AUTS2: variants seen among roughly 807,000 people sequenced by gnomAD.
The protein encoded by AUTS2 is activator of transcription and developmental regulator AUTS2, also known as autism susceptibility gene 2 protein.
AUTS2 carries 17 observed loss-of-function variants against 112.4 expected under a neutral mutation model. The ratio of observed to expected loss-of-function variants is 0.15; its 90% confidence interval spans 0.10 to 0.23. The LOEUF is 0.23. Ranked by LOEUF, AUTS2 falls within the 10% of genes least tolerant of loss-of-function variation. AUTS2 has a pLI of 1.00. For missense variants in AUTS2, 1,510 were observed against 1,701.6 expected (o/e 0.89, Z 1.98); for synonymous variants, 751 against 702.7 (o/e 1.07, Z -1.09).
chr7:70,457,028 A>C (rs532267175), intron 5 of AUTS2, among the ~76,000 whole-genome samples: 1 of 152,244 alleles, frequency 6.6e-6, no homozygotes, highest in African/African-American at 2.4e-5. Context: ...CTGTTTATTA[A>C]TGTGTTCTAT....
intron 6 of AUTS2, among the ~76,000 whole-genome samples, chr7:70,734,094 G>A (rs754886005): frequency 1.4e-4 from 22 of 152,150 alleles, no homozygotes; most frequent in African/African-American, 5.1e-4. Flanking sequence ...CAAGCCTCCC[G>A]ACAGCCCGCT....
intron 2 of AUTS2, among the ~76,000 whole-genome samples, chr7:69,912,511 G>C (rs781007195): frequency 4.5e-4 from 68 of 152,370 alleles, no homozygotes; most frequent in Middle Eastern, 6.8e-3. Context: ...CTGGGACCAT[G>C]TAGGGAGTAT....
chr7:70,530,101 A>G (rs1800016928), intron 5 of AUTS2, among the ~76,000 whole-genome samples: 1 of 152,186 alleles, frequency 6.6e-6, no homozygotes, highest in African/African-American at 2.4e-5. Context: ...GATTCTAGAC[A>G]ACATCTGTAG....
chr7:70,768,156 T>C (rs1310061856), intron 10 of AUTS2, 88 bp downstream of exon 10: 1 of 1,255,548 alleles, frequency 8.0e-7, no homozygotes, highest in Non-Finnish European at 1.1e-6. Flanking sequence ...ACTAGCAGCC[T>C]TCCTTAATCA....
chr7:70,419,936 G>A (rs1795146690), intron 4 of AUTS2, among the ~76,000 whole-genome samples: 2 of 152,072 alleles, frequency 1.3e-5, no homozygotes, highest in South Asian at 4.2e-4. Context: ...CTTTGCTTTT[G>A]AAAGGAAGGA....
At chr7:70,460,779 T>A (rs920715701) in intron 5 of AUTS2, among the ~76,000 whole-genome samples, 2 of 152,146 alleles carry the variant, frequency 1.3e-5, no homozygotes, top group African/African-American at 4.8e-5. Context: ...GTCTGTAAGG[T>A]ATCACTGGAA....
chr7:69,772,127 T>A (rs191028946), intron 1 of AUTS2, among the ~76,000 whole-genome samples: 1 of 152,226 alleles, frequency 6.6e-6, no homozygotes, highest in African/African-American at 2.4e-5. Context: ...GAAATGGGGA[T>A]CCTTATGTCT....
At chr7:70,004,277 ATG>A (rs1799415860) in intron 2 of AUTS2, among the ~76,000 whole-genome samples, 1 of 127,876 alleles carries the variant, frequency 7.8e-6, no homozygotes, top group Non-Finnish European at 1.7e-5. Flanking sequence ...ATATATATGA[ATG>A]TGTTATATAT....
chr7:70,070,604 G>A (rs961258176), intron 2 of AUTS2, among the ~76,000 whole-genome samples: 8 of 152,044 alleles, frequency 5.3e-5, no homozygotes, highest in African/African-American at 7.2e-5. Context: ...AGTGGCTTAC[G>A]CCTATAATCC....
At chr7:70,505,061 T>C (rs1049198081) in intron 5 of AUTS2, among the ~76,000 whole-genome samples, 7 of 152,220 alleles carry the variant, frequency 4.6e-5, no homozygotes, top group African/African-American at 1.7e-4. Context: ...AGACTCTAAC[T>C]CAGTGAATCT....
chr7:69,625,594 C>T (rs983413285), intron 1 of AUTS2, among the ~76,000 whole-genome samples: 1 of 152,146 alleles, frequency 6.6e-6, no homozygotes, highest in Non-Finnish European at 1.5e-5. Flanking sequence ...CACGGTGGCT[C>T]ATACCTGTAA....
At chr7:70,424,820 C>G (rs995217522) in intron 4 of AUTS2, among the ~76,000 whole-genome samples, 1 of 152,068 alleles carries the variant, frequency 6.6e-6, no homozygotes, top group Non-Finnish European at 1.5e-5. Flanking sequence ...CTTCTGGGCT[C>G]AAGAGATCAT....
intron 4 of AUTS2, among the ~76,000 whole-genome samples, chr7:70,277,999 T>A (rs1788018483): frequency 6.6e-6 from 1 of 151,044 alleles, no homozygotes. Context: ...AGTACTGTAT[T>A]AGGAATGCTT....
chr7:70,157,735 A>G (rs1463152354), intron 4 of AUTS2, among the ~76,000 whole-genome samples: 20 of 152,216 alleles, frequency 1.3e-4, no homozygotes, highest in Admixed American at 1.3e-3. Flanking sequence ...TATAGCAAAC[A>G]TGATGTAGAG....
At chr7:70,336,187 C>T (rs775578826) in intron 4 of AUTS2, among the ~76,000 whole-genome samples, 10 of 152,048 alleles carry the variant, frequency 6.6e-5, no homozygotes, top group East Asian at 1.9e-4. Context: ...GAAAGCCATA[C>T]GTGTTATTTG....
chr7:70,252,529 A>G (rs939337152), intron 4 of AUTS2, among the ~76,000 whole-genome samples: 1 of 151,998 alleles, frequency 6.6e-6, no homozygotes, highest in Non-Finnish European at 1.5e-5. Flanking sequence ...GTTTGCAAAT[A>G]TTTTCTCCCA....
intron 5 of AUTS2, among the ~76,000 whole-genome samples, chr7:70,687,408 T>C (rs957632257): frequency 6.6e-6 from 1 of 152,242 alleles, no homozygotes; most frequent in African/African-American, 2.4e-5. Context: ...TTTGCAGGGT[T>C]GTCAGATTCT....
intron 5 of AUTS2, among the ~76,000 whole-genome samples, chr7:70,606,484 G>GA (rs561566949): frequency 6.6e-6 from 1 of 152,138 alleles, no homozygotes; most frequent in East Asian, 1.9e-4. Context: ...ATACAGTGGT[G>GA]AAAAAAGTAG....
chr7:70,783,450 C>T (rs1204745110), intron 15 of AUTS2: 2 of 152,228 alleles, frequency 1.3e-5, no homozygotes, highest in Admixed American at 1.3e-4. Context: ...CAGTCCAAAA[C>T]ATAAATCGAG....
Sources: gnomAD v4.1 joint callset for allele counts (sites outside exome capture counted in the v4.1 genomes callset) on GRCh38, gnomAD v4.1.1 for gene constraint, MANE v1.5 for transcripts, NCBI Gene and HGNC (gene_info 2026-07-23, HGNC 2026-07-21) for gene names.